The following ZBTB20 variants were observed in gnomAD, a reference collection of about 807,000 sequenced individuals.
The protein encoded by ZBTB20 is zinc finger and BTB domain-containing protein 20.
Under a neutral mutation model 56.9 loss-of-function variants are expected in ZBTB20, and 9 were observed. The observed-to-expected ratio is 0.16, with a 90% CI of 0.10 to 0.28. The LOEUF (loss-of-function observed/expected upper bound fraction) is 0.28, where lower values mean the gene tolerates loss of function less well. ZBTB20 is among the 10% of genes least tolerant of loss of function. The pLI is 1.00. For missense variants in ZBTB20, 655 were observed against 1,003.0 expected (o/e 0.65, Z 4.69); for synonymous variants, 417 against 420.7 (o/e 0.99, Z 0.11).
intron 5 of ZBTB20, among the ~76,000 whole-genome samples, chr3:114,748,380 T>TCTCTCTCTCTCTCTCTC (rs1277740782): frequency 1.7e-4 from 6 of 36,144 alleles, no homozygotes; most frequent in Non-Finnish European, 6.2e-4. Context: ...CTCTCTCTCT[T>TCTCTCTCTCTCTCTCTC]TCTTTCTTTT....
chr3:114,831,243 T>C (rs2073827429), intron 4 of ZBTB20, among the ~76,000 whole-genome samples: 1 of 151,822 alleles, frequency 6.6e-6, no homozygotes, highest in African/African-American at 2.4e-5. Flanking sequence ...TAAGCGTTTA[T>C]GCAACTAAAA....
chr3:115,019,736 T>G (rs1351643993), intron 2 of ZBTB20, among the ~76,000 whole-genome samples: 6 of 151,148 alleles, frequency 4.0e-5, no homozygotes, highest in African/African-American at 9.7e-5. Context: ...GGAACATTAA[T>G]GACAATAAAG....
intron 4 of ZBTB20, among the ~76,000 whole-genome samples, chr3:114,883,319 T>C (rs1020721354): frequency 6.6e-6 from 1 of 152,162 alleles, no homozygotes; most frequent in Admixed American, 6.5e-5. Flanking sequence ...TTAAAGACCA[T>C]CCCCATGCAC....
intron 3 of ZBTB20, among the ~76,000 whole-genome samples, chr3:114,907,293 A>C (rs542073398): frequency 6.6e-6 from 1 of 151,850 alleles, no homozygotes; most frequent in Non-Finnish European, 1.5e-5. Flanking sequence ...GGTACCAAAA[A>C]TACTTCATCG....
chr3:114,426,337 C>CAAAAAAAAAAAAAA (rs60778829), intron 7 of ZBTB20, among the ~76,000 whole-genome samples: 2 of 109,544 alleles, frequency 1.8e-5, no homozygotes, highest in African/African-American at 8.6e-5. Context: ...GACTCCATCT[C>CAAAAAAAAAAAAAA]AAAAAAAAAA....
At chr3:114,486,239 T>C (rs185001408) in intron 7 of ZBTB20, among the ~76,000 whole-genome samples, 25 of 108,754 alleles carry the variant, frequency 2.3e-4, no homozygotes, top group East Asian at 1.8e-3. Context: ...TTTCTAAGTG[T>C]ATCAGAGATT....
At chr3:114,851,882 C>CA (rs34221509) in intron 4 of ZBTB20, among the ~76,000 whole-genome samples, 1 of 151,994 alleles carries the variant, frequency 6.6e-6, no homozygotes, top group African/African-American at 2.4e-5. Flanking sequence ...GCCTCTTAAG[C>CA]AAAAAATTAA....
At chr3:114,443,863 G>A (rs898183017) in intron 7 of ZBTB20, among the ~76,000 whole-genome samples, 22 of 152,166 alleles carry the variant, frequency 1.4e-4, no homozygotes, top group African/African-American at 4.8e-4. Flanking sequence ...GACGTGGAAC[G>A]TGAGGCCCAG....
intron 3 of ZBTB20, among the ~76,000 whole-genome samples, chr3:114,969,990 T>C (rs1163456315): frequency 6.6e-6 from 1 of 152,206 alleles, no homozygotes; most frequent in Non-Finnish European, 1.5e-5. Flanking sequence ...TGAAAAGCAT[T>C]ATCTTTCTTG....
intron 2 of ZBTB20, among the ~76,000 whole-genome samples, chr3:114,999,157 AGAAAGG>A (rs2079147384): frequency 7.1e-6 from 1 of 141,382 alleles, no homozygotes; most frequent in Admixed American, 7.3e-5. Flanking sequence ...AGAGGGAGAG[AGAAAGG>A]GAAAGGGAGA....
At chr3:114,655,168 C>T (rs1578181180) in intron 6 of ZBTB20, among the ~76,000 whole-genome samples, 1 of 151,534 alleles carries the variant, frequency 6.6e-6, no homozygotes, top group South Asian at 2.1e-4. Flanking sequence ...TTTAGGTCTA[C>T]CATTTATTTC....
intron 3 of ZBTB20, among the ~76,000 whole-genome samples, chr3:114,962,630 C>T (rs981449607): frequency 2.0e-5 from 3 of 152,038 alleles, no homozygotes; most frequent in Non-Finnish European, 4.4e-5. Flanking sequence ...CAAAACATAC[C>T]TTTTAGATTG....
chr3:114,992,853 T>C (rs1272907209), intron 2 of ZBTB20, among the ~76,000 whole-genome samples: 1 of 151,728 alleles, frequency 6.6e-6, no homozygotes, highest in Non-Finnish European at 1.5e-5. Context: ...GGAATCAGCA[T>C]TGCATTATTT....
intron 6 of ZBTB20, among the ~76,000 whole-genome samples, chr3:114,616,607 C>G (rs1225652621): frequency 6.6e-6 from 1 of 152,102 alleles, no homozygotes; most frequent in East Asian, 1.9e-4. Flanking sequence ...GACCTTCTCC[C>G]TTTTGTCATC....
At chr3:114,601,610 C>T (rs1037428180) in intron 6 of ZBTB20, among the ~76,000 whole-genome samples, 2 of 151,734 alleles carry the variant, frequency 1.3e-5, no homozygotes, top group Admixed American at 6.6e-5. Flanking sequence ...AATATATAGA[C>T]AGATAATAGA....
intron 4 of ZBTB20, among the ~76,000 whole-genome samples, chr3:114,802,900 C>T (rs570464485): frequency 2.0e-5 from 3 of 151,970 alleles, no homozygotes; most frequent in African/African-American, 4.8e-5. Context: ...AAACATATAA[C>T]TAACAACTAG....
At chr3:114,573,521 C>T (rs1188467026) in intron 6 of ZBTB20, among the ~76,000 whole-genome samples, 1 of 92,774 alleles carries the variant, frequency 1.1e-5, no homozygotes, top group Non-Finnish European at 2.3e-5. Context: ...AAGAAAGAAA[C>T]AGAGAGAGAG....
At chr3:114,881,726 C>T (rs185382178) in intron 4 of ZBTB20, among the ~76,000 whole-genome samples, 45 of 151,850 alleles carry the variant, frequency 3.0e-4, no homozygotes, top group African/African-American at 8.9e-4. Flanking sequence ...TAGTGATGAT[C>T]GCTGCCTTCC....
intron 11 of ZBTB20, among the ~76,000 whole-genome samples, chr3:114,340,785 T>C (rs2079700773): frequency 6.6e-6 from 1 of 152,182 alleles, no homozygotes; most frequent in African/African-American, 2.4e-5. Flanking sequence ...TGAAACTCCT[T>C]AGGATAATAT....
Sources: gnomAD v4.1 joint callset for allele counts (sites outside exome capture counted in the v4.1 genomes callset) on GRCh38, gnomAD v4.1.1 for gene constraint, MANE v1.5 for transcripts, NCBI Gene and HGNC (gene_info 2026-07-23, HGNC 2026-07-21) for gene names.